The following OSBPL8 variants were observed in gnomAD, a reference collection of about 807,000 sequenced individuals.
The protein encoded by OSBPL8 is oxysterol binding protein like 8.
Under a neutral mutation model 125.5 loss-of-function variants are expected in OSBPL8, and 59 were observed. That is an observed-to-expected ratio of 0.47 (90% CI 0.38 to 0.58). The LOEUF (loss-of-function observed/expected upper bound fraction) is 0.58, where lower values mean the gene tolerates loss of function less well. Among genes scored for constraint, OSBPL8 ranks in the 20% least tolerant of loss-of-function variants. The pLI is 0.00. For missense variants in OSBPL8, 758 were observed against 1,047.8 expected, an observed-to-expected ratio of 0.72 and a Z score of 3.82; for synonymous variants, 330 against 338.9, an observed-to-expected ratio of 0.97 and a Z score of 0.29.
intron 1 of OSBPL8, among the ~76,000 whole-genome samples, chr12:76,527,091 A>T (rs546525292): frequency 6.6e-5 from 10 of 152,120 alleles, no homozygotes; most frequent in Non-Finnish European, 1.5e-4. Context: ...CTAATATTCT[A>T]CAATCTAACA....
At chr12:76,532,658 T>G (rs1417189061) in intron 1 of OSBPL8, among the ~76,000 whole-genome samples, 3 of 151,016 alleles carry the variant, frequency 2.0e-5, no homozygotes, top group African/African-American at 7.3e-5. Flanking sequence ...GAAAGGAACA[T>G]CCCTCCTCCA....
rs1196372590 is a variant in OSBPL8, at chr12:76,459,877, C to A, written c.61G>T (p.Asp21Tyr). The A allele has an allele frequency of 2.5e-6, 4 of 1,613,778 alleles. No individual in the cohort carries two copies. The South Asian group carries it at 4.4e-5, about 18-fold the overall frequency. The change falls in exon 3 of 24, where the codon GAT (aspartate) becomes TAT (tyrosine). Residue 21 changes from aspartate to tyrosine, a missense_variant. Coordinates refer to ENST00000261183, the MANE Select transcript of OSBPL8 (RefSeq NM_020841.5). ...TACTTACTTGATGGCCCAAGGACATCTTTGCTATCACCAAGAAGCTTTTAA... is the reference window on the plus strand; with the variant it reads ...TACTTACTTGATGGCCCAAGGACATATTTGCTATCACCAAGAAGCTTTTAA... ...DRTSLLGDSK[D>Y]VLGPSTVVAN...
rs918021122 is a variant in OSBPL8, at chr12:76,390,658, C to T, written c.930-1G>A. The T allele has an allele frequency of 6.3e-7, 1 of 1,589,228 alleles. No homozygotes were observed. The highest frequency in any genetic ancestry group is 1.7e-5 in the Admixed American group (1 of 59,550). ...TCGTTCAATTTCACTATCATTTAAC[C>T]TTAAGGGAAAGAATTTTTAGGAGGA... On this transcript the variant is annotated splice_acceptor_variant, in intron 10 of 23. Transcript: ENST00000261183. LOFTEE classifies it high-confidence loss of function.
At chr12:76,557,548 G>C (rs1287949331) in intron 1 of OSBPL8, among the ~76,000 whole-genome samples, 4 of 149,138 alleles carry the variant, frequency 2.7e-5, no homozygotes, top group Non-Finnish European at 5.9e-5. Context: ...CCAGGTGGCA[G>C]AAGCTGCAGT....
chr12:76,383,618 G>T (rs1232449070), intron 15 of OSBPL8, among the ~76,000 whole-genome samples: 1 of 151,578 alleles, frequency 6.6e-6, no homozygotes, highest in African/African-American at 2.4e-5. Context: ...TTTCACTCAG[G>T]TTTAAAATTC....
At position 76,443,050 on chromosome 12, in the gene OSBPL8, C is replaced by A. The variant is rs1168536492; in HGVS notation, c.217+7801G>T. ...AGAACGTACTAAGGGATAAGAGACA[C>A]AAAACTAAAAACAGATATTTTAATT... On this transcript the variant is annotated intron_variant, in intron 4 of 23. Coordinates refer to ENST00000261183, the MANE Select transcript of OSBPL8 (RefSeq NM_020841.5). Among the ~76,000 whole-genome samples, 8 of 152,234 alleles carry A rather than the reference C, an allele frequency of 5.3e-5. No individual in the cohort carries two copies. The East Asian group carries it at 1.5e-3, about 29-fold the overall frequency.
chr12:76,502,557 G>A (rs1259564933), intron 1 of OSBPL8, among the ~76,000 whole-genome samples: 1 of 152,160 alleles, frequency 6.6e-6, no homozygotes, highest in Non-Finnish European at 1.5e-5. Context: ...AAATACAGGA[G>A]CTATTTCAGA....
At chr12:76,398,863 G>A (rs766284194) in intron 7 of OSBPL8, among the ~76,000 whole-genome samples, 6 of 152,152 alleles carry the variant, frequency 3.9e-5, no homozygotes, top group Non-Finnish European at 7.4e-5. Context: ...CAAGAGAGGC[G>A]AAAGGGAGAT....
chr12:76,378,519 T>C lies in OSBPL8; in HGVS notation c.1662A>G (p.Glu554=), dbSNP rs1366905911. The C allele has an allele frequency of 6.2e-7, 1 of 1,605,698 alleles. No individual in the cohort carries two copies. Among genetic ancestry groups the C allele is most frequent in the Non-Finnish European group, 8.5e-7 (1 of 1,173,582 alleles). The part of the protein sequence containing the change: ...GNSLSAILEG[E]ARLTFLNRGE... ...CTCTATTCAAGAAAGTTAACCGTGC[T>C]TCTCCCTCTAATATTGCAGATAATG... Residue 554 remains glutamate, a synonymous_variant, in exon 16 of 24, where the codon GAA becomes GAG. Transcript: ENST00000261183.
intron 10 of OSBPL8, among the ~76,000 whole-genome samples, chr12:76,392,207 T>C (rs1409329582): frequency 6.6e-6 from 1 of 152,196 alleles, no homozygotes; most frequent in Non-Finnish European, 1.5e-5. Flanking sequence ...TTATGTCTCA[T>C]AGTTATAAGG....
At chr12:76,456,064 G>T (rs974538954) in intron 3 of OSBPL8, among the ~76,000 whole-genome samples, 1 of 152,064 alleles carries the variant, frequency 6.6e-6, no homozygotes, top group Admixed American at 6.6e-5. Flanking sequence ...AGGAGAACAT[G>T]AATCAAAAAC....
At chr12:76,439,962 T>C (rs1050338219) in intron 4 of OSBPL8, among the ~76,000 whole-genome samples, 5 of 152,294 alleles carry the variant, frequency 3.3e-5, no homozygotes, top group African/African-American at 4.8e-5. Flanking sequence ...AATTAACTTA[T>C]TATCTTTATT....
chr12:76,528,330 C>CAAA (rs35479771), intron 1 of OSBPL8, among the ~76,000 whole-genome samples: 3 of 93,642 alleles, frequency 3.2e-5, no homozygotes, highest in African/African-American at 1.2e-4. Flanking sequence ...GACTCCGTCT[C>CAAA]AAAAAAAAAA....
intron 1 of OSBPL8, among the ~76,000 whole-genome samples, chr12:76,505,971 T>C (rs1880374262): frequency 6.6e-6 from 1 of 152,158 alleles, no homozygotes; most frequent in Admixed American, 6.5e-5. Flanking sequence ...TGAGAAGAGA[T>C]TACAAAGTAG....
chr12:76,412,206 T>G (rs1358790141), intron 4 of OSBPL8, among the ~76,000 whole-genome samples: 4 of 151,894 alleles, frequency 2.6e-5, no homozygotes, highest in African/African-American at 9.7e-5. Context: ...CAACAAATAT[T>G]GAGTGAGAAG....
At chr12:76,493,082 C>A (rs1878903753) in intron 1 of OSBPL8, among the ~76,000 whole-genome samples, 1 of 152,174 alleles carries the variant, frequency 6.6e-6, no homozygotes, top group Non-Finnish European at 1.5e-5. Context: ...CACTCTGCCA[C>A]CCTATCATTT....
At chr12:76,391,930 G>T (rs562636968) in intron 10 of OSBPL8, among the ~76,000 whole-genome samples, 1 of 152,194 alleles carries the variant, frequency 6.6e-6, no homozygotes, top group African/African-American at 2.4e-5. Context: ...AAGCCAAGGG[G>T]TGGGGACAGG....
chr12:76,396,083 T>A (rs148461427), intron 8 of OSBPL8, among the ~76,000 whole-genome samples: 212 of 151,416 alleles, frequency 1.4e-3, no homozygotes, highest in African/African-American at 5.0e-3. Flanking sequence ...ATATATATAT[T>A]TTTTGTTGTT....
chr12:76,496,079 ATCCAC>A (rs1458461957), intron 1 of OSBPL8, among the ~76,000 whole-genome samples: 1 of 152,076 alleles, frequency 6.6e-6, no homozygotes, highest in Non-Finnish European at 1.5e-5. Context: ...TCCTTAGCCC[ATCCAC>A]TGACTTTTAA....
Sources: allele counts gnomAD v4.1 joint callset (sites outside exome capture counted in the v4.1 genomes callset), GRCh38; gene constraint gnomAD v4.1.1; transcripts MANE v1.5; gene names NCBI Gene and HGNC (gene_info 2026-07-23, HGNC 2026-07-21).